Variants in HMBOX1 observed in about 807,000 individuals in gnomAD.
HMBOX1 encodes the protein homeobox containing 1, also known as homeobox-containing protein 1.
In HMBOX1, 14 loss-of-function variants were observed where a neutral mutation model predicts 54.5. The observed-to-expected ratio is 0.26, with a 90% CI of 0.17 to 0.40. HMBOX1 has a LOEUF of 0.40. HMBOX1 is among the 10% of genes least tolerant of loss of function. The pLI is 1.00. For synonymous variants in HMBOX1, 160 were observed against 181.0 expected, an observed-to-expected ratio of 0.88 and a Z score of 0.93; for missense variants, 332 against 514.4, an observed-to-expected ratio of 0.65 and a Z score of 3.43.
chr8:28,919,996 TG>T (rs1563388190), intron 1 of HMBOX1, among the ~76,000 whole-genome samples: 24 of 152,142 alleles, frequency 1.6e-4, no homozygotes, highest in African/African-American at 4.3e-4. Context: ...TGTGTGTGTG[TG>T]TGTGTTTTTC....
At chr8:28,909,213 T>C (rs542121485) in intron 1 of HMBOX1, among the ~76,000 whole-genome samples, 2 of 152,308 alleles carry the variant, frequency 1.3e-5, no homozygotes, top group South Asian at 4.1e-4. Flanking sequence ...TACCAGTCTA[T>C]ATGATGGCCA....
At chr8:29,002,463 A>T (rs1038832472) in intron 4 of HMBOX1, among the ~76,000 whole-genome samples, 1 of 152,212 alleles carries the variant, frequency 6.6e-6, no homozygotes, top group Non-Finnish European at 1.5e-5. Context: ...ACACAAAGGT[A>T]GTAAGACCAG....
chr8:29,038,348 A>C (rs1804249210), intron 6 of HMBOX1, among the ~76,000 whole-genome samples: 1 of 152,196 alleles, frequency 6.6e-6, no homozygotes, highest in Admixed American at 6.5e-5. Context: ...GTAAAAGTGT[A>C]GTGCCCTCTG....
At chr8:28,891,923 T>C (rs1454734616) in intron 1 of HMBOX1, 2 of 152,232 alleles carry the variant, frequency 1.3e-5, no homozygotes, top group Admixed American at 1.3e-4. Flanking sequence ...GGTAGAGTGA[T>C]GTGACTAGCT....
intron 4 of HMBOX1, among the ~76,000 whole-genome samples, chr8:28,984,884 G>A (rs1829942936): frequency 6.6e-6 from 1 of 151,986 alleles, no homozygotes; most frequent in African/African-American, 2.4e-5. Flanking sequence ...ATACTAATTG[G>A]ATGCATGTCC....
Position 29,009,575 on chromosome 8 carries a change from T to G in HMBOX1, c.697+393T>G, listed in dbSNP as rs1225569390. ...TCTTGTTTGAATTAGTAATGTAAAT[T>G]TAATATTTTTATTTAATTCATGCTG... On this transcript the variant is annotated intron_variant, in intron 5 of 9. Transcript: ENST00000287701. 9.5e-6 allele frequency: 9 copies of G among 952,116 alleles called. No homozygotes were observed. In the African/African-American group the frequency reaches 1.6e-4, roughly 17 times the overall value. 59.0% of individuals were successfully genotyped at this position (952,116 alleles called of 1,614,324 possible).
intron 6 of HMBOX1, among the ~76,000 whole-genome samples, chr8:29,038,427 AG>A (rs1804265889): frequency 6.6e-6 from 1 of 152,126 alleles, no homozygotes; most frequent in Admixed American, 6.6e-5. Context: ...GTTTTGTCTT[AG>A]AAAATGTTTA....
intron 1 of HMBOX1, chr8:28,915,636 G>A (rs1206191907): frequency 6.6e-6 from 1 of 151,012 alleles, no homozygotes; most frequent in Non-Finnish European, 1.5e-5. Flanking sequence ...ATTCACAGGT[G>A]TATGAGAGTT....
Position 28,970,689 on chromosome 8 carries a change from G to T in HMBOX1, c.500+170G>T, listed in dbSNP as rs929203428. On this transcript the variant is annotated intron_variant, in intron 3 of 9. Coordinates refer to ENST00000287701, the MANE Select transcript of HMBOX1 (RefSeq NM_001135726.3). This position sits in a 1 kb window ranked among gnomAD's most constrained non-coding sequence, Gnocchi z 4.3. ...TGGAGATGAAAGAAAGAAAGTTCAA[G>T]CTTTATGTTTTTAATTTAAATTTTC... The T allele has an allele frequency of 5.9e-6, 3 of 512,378 alleles. No individual in the cohort carries two copies. The highest frequency in any genetic ancestry group is 7.2e-5 in the Admixed American group (2 of 27,696). 31.7% of individuals were successfully genotyped at this position (512,378 alleles called of 1,614,324 possible). A position where few individuals can be genotyped will look rare whatever the true frequency, so the allele number is the denominator to read the frequency against.
chr8:28,912,191 A>G (rs762841566), intron 1 of HMBOX1, among the ~76,000 whole-genome samples: 4 of 152,204 alleles, frequency 2.6e-5, no homozygotes, highest in African/African-American at 4.8e-5. Flanking sequence ...CAACATAACA[A>G]TACTTTCAAC....
intron 4 of HMBOX1, among the ~76,000 whole-genome samples, chr8:28,995,770 T>C (rs995814511): frequency 4.6e-5 from 7 of 152,208 alleles, no homozygotes; most frequent in African/African-American, 1.7e-4. Flanking sequence ...TGTATGTTTT[T>C]GGAAAAATGT....
chr8:29,047,569 T>TC, intron 8 of HMBOX1, 116 bp downstream of exon 8: 1 of 494,776 alleles, frequency 2.0e-6, no homozygotes, highest in East Asian at 3.5e-5. Context: ...CTTCTCTTTT[T>TC]TTTTTTTTTT....
At chr8:28,958,416 C>G (rs1417109130) in intron 1 of HMBOX1, among the ~76,000 whole-genome samples, 1 of 152,080 alleles carries the variant, frequency 6.6e-6, no homozygotes. Flanking sequence ...AACTTTAAGT[C>G]AGTGTTTACT....
intron 3 of HMBOX1, among the ~76,000 whole-genome samples, chr8:28,976,690 CTTTTCTTTTCTTTT>C (rs1338047123): frequency 6.0e-5 from 9 of 149,756 alleles, no homozygotes; most frequent in Admixed American, 4.6e-4. Flanking sequence ...CTTTTTATTT[CTTTTCTTTTCTTTT>C]TTTTCTTTTT....
Position 29,051,683 on chromosome 8 carries a change from C to A in HMBOX1, c.*528C>A. 1.4e-6 allele frequency: 1 copy of A among 696,162 alleles called. No homozygotes were observed. The highest frequency in any genetic ancestry group is 2.6e-6 in the Non-Finnish European group (1 of 379,684). 43.1% of individuals were successfully genotyped at this position (696,162 alleles called of 1,614,324 possible). On this transcript the variant is annotated 3_prime_UTR_variant, in exon 10 of 10. Transcript: ENST00000287701. The stretch of plus-strand genomic sequence containing the variant: ...TAATTGATTTCCAGCTGCAATAAGC[C>A]GTGCCTCATTATAGCCACACTGTGG...
At chr8:28,926,304 T>C (rs1976611) in intron 1 of HMBOX1, among the ~76,000 whole-genome samples, 99,499 of 142,330 alleles carry the variant, frequency 0.7, 34,978 homozygotes, top group Middle Eastern at 0.76. Flanking sequence ...TATATATATA[T>C]ACACACACAC....
intron 4 of HMBOX1, among the ~76,000 whole-genome samples, chr8:28,997,408 G>A (rs577231739): frequency 1.1e-4 from 17 of 152,184 alleles, no homozygotes; most frequent in South Asian, 2.1e-4. Context: ...ATTGATTTTC[G>A]TGTGTTGAGT....
At chr8:29,025,534 T>A (rs879868496) in intron 6 of HMBOX1, among the ~76,000 whole-genome samples, 16 of 152,254 alleles carry the variant, frequency 1.1e-4, no homozygotes, top group Non-Finnish European at 1.9e-4. Flanking sequence ...CACAGTAGAA[T>A]GCCTTTCTCA....
intron 1 of HMBOX1, among the ~76,000 whole-genome samples, chr8:28,907,067 GAATT>G (rs1814484262): frequency 6.6e-6 from 1 of 152,120 alleles, no homozygotes; most frequent in Admixed American, 6.5e-5. Context: ...TTTATGGCAG[GAATT>G]AATTTCTTTT....
Sources: allele counts gnomAD v4.1 joint callset (sites outside exome capture counted in the v4.1 genomes callset), GRCh38; gene constraint gnomAD v4.1.1; non-coding constraint Gnocchi (gnomAD v3.1); transcripts MANE v1.5; gene names NCBI Gene and HGNC (gene_info 2026-07-23, HGNC 2026-07-21).